ZFAT: variants seen among roughly 807,000 people sequenced by gnomAD.
ZFAT encodes zinc finger protein ZFAT.
A neutral mutation model predicts 117.7 loss-of-function variants in ZFAT; 64 were observed. The observed-to-expected ratio is 0.54, with a 90% CI of 0.44 to 0.67. The LOEUF (loss-of-function observed/expected upper bound fraction) is 0.67. Ranked by LOEUF, ZFAT falls within the 30% of genes least tolerant of loss-of-function variation. ZFAT has a pLI of 0.00. For synonymous variants in ZFAT, 679 were observed against 615.0 expected (o/e 1.10, Z -1.54); for missense variants, 1,433 against 1,584.5 (o/e 0.90, Z 1.62).
intron 11 of ZFAT, among the ~76,000 whole-genome samples, chr8:134,541,710 AG>A (rs1185903756): frequency 2.0e-5 from 3 of 152,254 alleles, no homozygotes; most frequent in Non-Finnish European, 4.4e-5. Flanking sequence ...TGACAATCGC[AG>A]GATCAATCAA....
intron 13 of ZFAT, among the ~76,000 whole-genome samples, chr8:134,517,260 T>C (rs2130439075): frequency 6.6e-6 from 1 of 152,314 alleles, no homozygotes; most frequent in African/African-American, 2.4e-5. Flanking sequence ...TTAAGTTTAA[T>C]TTTGTTATTA....
At chr8:134,693,577 T>C (rs1833685344) in intron 1 of ZFAT, among the ~76,000 whole-genome samples, 1 of 148,136 alleles carries the variant, frequency 6.8e-6, no homozygotes, top group Admixed American at 6.8e-5. Flanking sequence ...TCACATTGTA[T>C]ACCTTACTTA....
At chr8:134,730,371 T>A in the ZFAT span, among the ~76,000 whole-genome samples, 2 of 152,180 alleles carry the variant, frequency 1.3e-5, no homozygotes, top group Admixed American at 6.5e-5. Flanking sequence ...AGTTACAGCC[T>A]CCCTTGGATG....
intron 11 of ZFAT, among the ~76,000 whole-genome samples, chr8:134,541,871 C>G (rs1822283786): frequency 6.6e-6 from 1 of 152,218 alleles, no homozygotes; most frequent in African/African-American, 2.4e-5. Context: ...TACTACATGC[C>G]AAGCAATATG....
chr8:134,823,031 G>A, the ZFAT span, among the ~76,000 whole-genome samples: 1 of 152,196 alleles, frequency 6.6e-6, no homozygotes, highest in South Asian at 2.1e-4. Flanking sequence ...TACAGGTTAA[G>A]GCTTAAGAAC....
intron 7 of ZFAT, among the ~76,000 whole-genome samples, chr8:134,592,110 G>A (rs900293077): frequency 2.0e-5 from 3 of 152,152 alleles, no homozygotes; most frequent in Non-Finnish European, 2.9e-5. Flanking sequence ...TCCACTCCAC[G>A]CTCACTTGGA....
intron 15 of ZFAT, among the ~76,000 whole-genome samples, chr8:134,483,377 T>G (rs941065482): frequency 6.7e-4 from 102 of 152,184 alleles, no homozygotes; most frequent in Non-Finnish European, 2.4e-4. Flanking sequence ...TTCAGAGACC[T>G]CCTTCAGCTG....
In ZFAT at chr8:134,657,523, G is replaced by A. The variant is rs1014036810; in HGVS notation, c.196+38C>T. ...GGAGCAAATCAACATCAACAGGTGTGTCAGAAGGTATCCTGCCCCACCCCC... is the reference window on the plus strand; with the variant it reads ...GGAGCAAATCAACATCAACAGGTGTATCAGAAGGTATCCTGCCCCACCCCC... On this transcript the variant is annotated intron_variant, in intron 2 of 15. Transcript: ENST00000377838. 1.3e-5 allele frequency: 20 copies of A among 1,564,858 alleles called. No individual in the cohort carries two copies. The African/African-American group carries it at 2.4e-4, about 19-fold the overall frequency.
the ZFAT span, among the ~76,000 whole-genome samples, chr8:134,808,191 C>T: frequency 3.3e-5 from 5 of 152,080 alleles, no homozygotes; most frequent in Non-Finnish European, 2.9e-5. Context: ...CATGCAGAAA[C>T]GTATGTAGTA....
intron 1 of ZFAT, among the ~76,000 whole-genome samples, chr8:134,688,704 C>A (rs751705479): frequency 3.3e-5 from 5 of 152,204 alleles, no homozygotes; most frequent in African/African-American, 4.8e-5. Flanking sequence ...CAGGGTCCCA[C>A]ACATGCCACC....
chr8:134,553,303 G>A (rs564461588), intron 11 of ZFAT, among the ~76,000 whole-genome samples: 1 of 152,150 alleles, frequency 6.6e-6, no homozygotes, highest in Non-Finnish European at 1.5e-5. Flanking sequence ...AGGAGTTCAC[G>A]ACCAGCCTGG....
intron 1 of ZFAT, among the ~76,000 whole-genome samples, chr8:134,687,670 G>A (rs1169255407): frequency 6.6e-6 from 1 of 152,036 alleles, no homozygotes. Context: ...TTTGCAAACT[G>A]ACGAGGTGGC....
the ZFAT span, among the ~76,000 whole-genome samples, chr8:134,725,049 C>T: frequency 6.6e-6 from 1 of 152,166 alleles, no homozygotes; most frequent in Admixed American, 6.5e-5. Flanking sequence ...TACCCCTGCT[C>T]CTCTTTGCAG....
At position 134,512,570 on chromosome 8, in the gene ZFAT, G is replaced by A. The variant is rs1351226013; in HGVS notation, c.3266C>T (p.Thr1089Ile). ...GGCCTCTGTGATGTGGAGATACTGGGTGGAGGGCTCCTCAGGAGCTTCTGT... is the reference window on the plus strand; with the variant it reads ...GGCCTCTGTGATGTGGAGATACTGGATGGAGGGCTCCTCAGGAGCTTCTGT... ...TATEAPEEPS[T>I]QYLHITEAEE... Residue 1089 changes from threonine to isoleucine, a missense_variant, in exon 14 of 16, where the codon ACC becomes ATC. Transcript: ENST00000377838. 1.2e-6 allele frequency: 2 copies of A among 1,613,870 alleles called. No individual in the cohort carries two copies. The highest frequency in any genetic ancestry group is 3.3e-5 in the Admixed American group (2 of 60,010).
chr8:134,753,116 G>A, the ZFAT span, among the ~76,000 whole-genome samples: 354 of 152,188 alleles, frequency 2.3e-3, no homozygotes, highest in Middle Eastern at 0.014. Context: ...TGGGAGGATC[G>A]CCTGAGTCCA....
chr8:134,644,365 C>T (rs1195938487), intron 2 of ZFAT, among the ~76,000 whole-genome samples: 3 of 152,166 alleles, frequency 2.0e-5, no homozygotes, highest in African/African-American at 7.2e-5. Flanking sequence ...TCTCGGGAGA[C>T]CCATGTACAT....
intron 11 of ZFAT, among the ~76,000 whole-genome samples, chr8:134,548,196 G>T (rs1822843472): frequency 6.6e-6 from 1 of 152,142 alleles, no homozygotes; most frequent in Admixed American, 6.5e-5. Context: ...ATAGGTGCTG[G>T]GAGTAAGACA....
intron 11 of ZFAT, among the ~76,000 whole-genome samples, chr8:134,539,724 A>T (rs1822110456): frequency 6.6e-6 from 1 of 152,222 alleles, no homozygotes; most frequent in South Asian, 2.1e-4. Context: ...CCAGTTATAC[A>T]CTGCTGATAG....
intron 1 of ZFAT, among the ~76,000 whole-genome samples, chr8:134,670,064 T>G (rs950753995): frequency 5.3e-5 from 8 of 152,222 alleles, no homozygotes; most frequent in Non-Finnish European, 1.2e-4. Flanking sequence ...ATCCTAAATA[T>G]ATATGCACCC....
Sources: allele counts gnomAD v4.1 joint callset (sites outside exome capture counted in the v4.1 genomes callset), GRCh38; gene constraint gnomAD v4.1.1; transcripts MANE v1.5; gene names NCBI Gene and HGNC (gene_info 2026-07-23, HGNC 2026-07-21).